The following CRACDL variants were observed in gnomAD, a reference collection of about 807,000 sequenced individuals.
CRACDL encodes CRACD-like protein.
A neutral mutation model predicts 70.6 loss-of-function variants in CRACDL; 26 were observed. The ratio of observed to expected loss-of-function variants is 0.37; its 90% CI spans 0.27 to 0.51. The LOEUF is 0.51. Ranked by LOEUF, CRACDL falls within the 20% of genes least tolerant of loss-of-function variation. CRACDL has a pLI of 0.94. For synonymous variants in CRACDL, 618 were observed against 615.2 expected (o/e 1.00, Z -0.07); for missense variants, 1,283 against 1,376.9 (o/e 0.93, Z 1.08).
intron 1 of CRACDL, among the ~76,000 whole-genome samples, chr2:98,916,063 C>A (rs908378209): frequency 6.6e-6 from 1 of 152,196 alleles, no homozygotes; most frequent in African/African-American, 2.4e-5. Context: ...AGGACCCTAG[C>A]CAATCTCTGG....
At chr2:98,922,200 C>A (rs982509194) in intron 1 of CRACDL, among the ~76,000 whole-genome samples, 2 of 152,010 alleles carry the variant, frequency 1.3e-5, no homozygotes, top group African/African-American at 4.8e-5. Flanking sequence ...CTTTGGGAGG[C>A]TGAGGCAGGT....
intron 2 of CRACDL, among the ~76,000 whole-genome samples, chr2:98,842,866 G>GA (rs1399928567): frequency 7.1e-6 from 1 of 140,746 alleles, no homozygotes; most frequent in African/African-American, 3.0e-5. Context: ...AGTTGCTATA[G>GA]TTTGTGTGTG....
rs1320738123 is a variant in CRACDL, at chr2:98,822,767, G to T, written c.1506C>A (p.Pro502=). The change falls in exon 7 of 10, where the codon CCC becomes CCA. Residue 502 remains proline, a synonymous_variant. Coordinates refer to ENST00000397899, the MANE Select transcript of CRACDL (RefSeq NM_207362.3). This position sits in a 1 kb window ranked among gnomAD's most constrained non-coding sequence, Gnocchi z 4.9. ...CGGCGGGGCCCTCGCTGGCGGCCGC[G>T]GGCCGGTGTTTCAGGCAGCTCTTGG... ...PAPKSCLKHR[P]AAASEGPAAS... 4 of 1,276,424 alleles carry T rather than the reference G, an allele frequency of 3.1e-6. No homozygotes were observed. Among genetic ancestry groups the T allele is most frequent in the Non-Finnish European group, 3.9e-6 (4 of 1,015,656 alleles). 79.1% of individuals were successfully genotyped at this position (1,276,424 alleles called of 1,614,324 possible).
chr2:98,886,301 C>T (rs1021835301), intron 1 of CRACDL, among the ~76,000 whole-genome samples: 4 of 152,228 alleles, frequency 2.6e-5, no homozygotes, highest in Non-Finnish European at 4.4e-5. Context: ...CCTTTTCTCT[C>T]CCACTGAGGT....
intron 1 of CRACDL, among the ~76,000 whole-genome samples, chr2:98,905,627 A>ATTT (rs34712128): frequency 7.6e-6 from 1 of 130,740 alleles, no homozygotes; most frequent in Non-Finnish European, 1.6e-5. Context: ...GTGTTACCTC[A>ATTT]TTTTTTTTTT....
At chr2:98,866,428 C>T (rs532450846) in intron 1 of CRACDL, among the ~76,000 whole-genome samples, 21 of 149,514 alleles carry the variant, frequency 1.4e-4, no homozygotes, top group African/African-American at 4.9e-4. Context: ...GCAAATGATC[C>T]AGAGGCACTT....
At chr2:98,814,880 T>C (rs1364123005) in intron 7 of CRACDL, among the ~76,000 whole-genome samples, 9 of 152,212 alleles carry the variant, frequency 5.9e-5, no homozygotes, top group Non-Finnish European at 1.2e-4. Context: ...ACACATTTAG[T>C]ACTCTTATGC....
intron 1 of CRACDL, among the ~76,000 whole-genome samples, chr2:98,857,360 T>C (rs1056115093): frequency 6.6e-6 from 1 of 152,158 alleles, no homozygotes; most frequent in African/African-American, 2.4e-5. Context: ...TATAAAAATA[T>C]AATTATTGGG....
At chr2:98,859,821 G>A (rs1706863854) in intron 1 of CRACDL, among the ~76,000 whole-genome samples, 3 of 152,062 alleles carry the variant, frequency 2.0e-5, no homozygotes, top group South Asian at 2.1e-4. Context: ...AAGCACTTAA[G>A]AGAAAGAATA....
chr2:98,926,504 A>G (rs1447252871), intron 1 of CRACDL, among the ~76,000 whole-genome samples: 1 of 152,192 alleles, frequency 6.6e-6, no homozygotes, highest in South Asian at 2.1e-4. Flanking sequence ...AGCGTGCACC[A>G]TGAAGCAAGC....
At chr2:98,863,786 C>T (rs1477808456) in intron 1 of CRACDL, among the ~76,000 whole-genome samples, 3 of 152,214 alleles carry the variant, frequency 2.0e-5, no homozygotes, top group South Asian at 4.1e-4. Context: ...ATAACCCCAT[C>T]GTAAGTCAAG....
In CRACDL at chr2:98,827,315, TC is replaced by T. The variant is rs933535475; in HGVS notation, c.541-147del. 1.9e-5 allele frequency: 12 copies of T among 615,686 alleles called. No homozygotes were observed. In the African/African-American group the frequency reaches 2.0e-4, roughly 10 times the overall value. 38.1% of individuals were successfully genotyped at this position (615,686 alleles called of 1,614,324 possible). A position where few individuals can be genotyped will look rare whatever the true frequency, so the allele number is the denominator to read the frequency against. On this transcript the variant is annotated intron_variant, in intron 5 of 9. Transcript: ENST00000397899. ...TGTGTGGAAATACTTTCTTTTTTTT[TC>T]CCCCAAGATGGAGTCTTGTTCTGTC...
intron 1 of CRACDL, among the ~76,000 whole-genome samples, chr2:98,847,329 G>A (rs551016744): frequency 6.6e-6 from 1 of 152,124 alleles, no homozygotes; most frequent in African/African-American, 2.4e-5. Flanking sequence ...AATTATTCAC[G>A]TGTTATTTTA....
intron 1 of CRACDL, among the ~76,000 whole-genome samples, chr2:98,924,341 T>C (rs1341650455): frequency 4.6e-5 from 7 of 152,364 alleles, no homozygotes; most frequent in African/African-American, 1.4e-4. Context: ...TCTCCTGGGC[T>C]GGGGACAAGC....
chr2:98,903,592 A>G (rs1708336322), intron 1 of CRACDL, among the ~76,000 whole-genome samples: 1 of 152,206 alleles, frequency 6.6e-6, no homozygotes, highest in Non-Finnish European at 1.5e-5. Context: ...TGCGGAGGAG[A>G]CAGATGATTT....
chr2:98,827,802 C>A (rs1401501173), intron 5 of CRACDL, among the ~76,000 whole-genome samples: 1 of 152,154 alleles, frequency 6.6e-6, no homozygotes, highest in Admixed American at 6.5e-5. Context: ...TCAAAACACA[C>A]CAGCCTGATT....
At chr2:98,803,599 A>G (rs552811350) in intron 7 of CRACDL, among the ~76,000 whole-genome samples, 1 of 152,362 alleles carries the variant, frequency 6.6e-6, no homozygotes, top group East Asian at 1.9e-4. Context: ...TGAACACTTC[A>G]TACTTTGGCA....
At chr2:98,796,929 A>G (rs1480732450) in intron 8 of CRACDL, among the ~76,000 whole-genome samples, 1 of 152,202 alleles carries the variant, frequency 6.6e-6, no homozygotes, top group African/African-American at 2.4e-5. Context: ...GTGGAGCAGC[A>G]AAGAGCAGGG....
chr2:98,901,318 T>C (rs1324104533), intron 1 of CRACDL, among the ~76,000 whole-genome samples: 3 of 152,154 alleles, frequency 2.0e-5, no homozygotes, highest in Non-Finnish European at 2.9e-5. Context: ...CATGACACAA[T>C]AGGACCTCTG....
Sources: gnomAD v4.1 joint callset for allele counts (sites outside exome capture counted in the v4.1 genomes callset) on GRCh38, gnomAD v4.1.1 for gene constraint, Gnocchi (gnomAD v3.1) non-coding constraint, MANE v1.5 for transcripts, NCBI Gene and HGNC (gene_info 2026-07-23, HGNC 2026-07-21) for gene names.